SLC8A1: variants seen among roughly 807,000 people sequenced by gnomAD.
The protein encoded by SLC8A1 is sodium/calcium exchanger 1.
A neutral mutation model predicts 68.3 loss-of-function variants in SLC8A1; 18 were observed. The observed-to-expected ratio is 0.26, with a 90% CI of 0.18 to 0.39. The LOEUF is 0.39. Ranked by LOEUF, SLC8A1 falls within the 10% of genes least tolerant of loss-of-function variation. The pLI, the probability that SLC8A1 is intolerant of heterozygous loss-of-function variation, is 1.00. For synonymous variants in SLC8A1, 475 were observed against 415.5 expected, an observed-to-expected ratio of 1.14 and a Z score of -1.74; for missense variants, 985 against 1,156.7, an observed-to-expected ratio of 0.85 and a Z score of 2.15.
rs185241847 is a variant in SLC8A1, at chr2:40,435,514, G to T, written c.-24-5210C>A. On this transcript the variant is annotated intron_variant, in intron 1 of 7. Transcript: ENST00000406785. Reference sequence around the variant, plus strand: ...TGTTTAATACTTTGGGACAGGTGCCGAAGGGGATGGGCTATGAGCGGTCAC... The same window carrying T: ...TGTTTAATACTTTGGGACAGGTGCCTAAGGGGATGGGCTATGAGCGGTCAC... Among the ~76,000 whole-genome samples the T allele has an allele frequency of 2.0e-5, 3 of 152,104 alleles. No individual in the cohort carries two copies. In the East Asian group the frequency reaches 5.8e-4, roughly 29 times the overall value.
chr2:40,278,724 C>G (rs2067107226), intron 2 of SLC8A1, among the ~76,000 whole-genome samples: 1 of 152,064 alleles, frequency 6.6e-6, no homozygotes. Flanking sequence ...GACAAGATGG[C>G]ACTTCATCTC....
chr2:40,392,095 G>C (rs1418407331), intron 2 of SLC8A1, among the ~76,000 whole-genome samples: 1 of 144,616 alleles, frequency 6.9e-6, no homozygotes, highest in Non-Finnish European at 1.5e-5. Flanking sequence ...AAATAAAAAA[G>C]AAAGCGAGAA....
At chr2:40,423,471 G>C (rs545353822) in intron 2 of SLC8A1, among the ~76,000 whole-genome samples, 1 of 152,070 alleles carries the variant, frequency 6.6e-6, no homozygotes, top group East Asian at 1.9e-4. Flanking sequence ...AGCTTATTAA[G>C]TATGTGCAGA....
chr2:40,225,067 T>G (rs1202703217), intron 2 of SLC8A1, among the ~76,000 whole-genome samples: 1 of 152,182 alleles, frequency 6.6e-6, no homozygotes, highest in African/African-American at 2.4e-5. Context: ...CCCTGAAGGT[T>G]TGAAGTCTTA....
chr2:40,194,506 T>C (rs13412596), intron 2 of SLC8A1, among the ~76,000 whole-genome samples: 2,905 of 131,930 alleles, frequency 0.022, 46 homozygotes, highest in African/African-American at 0.034. Context: ...TGTGTGTGTG[T>C]GCGCGCGCAA....
intron 2 of SLC8A1, among the ~76,000 whole-genome samples, chr2:40,270,540 C>CA (rs2065899830): frequency 2.0e-5 from 3 of 152,220 alleles, no homozygotes; most frequent in South Asian, 4.1e-4. Context: ...CAGTCAGCAA[C>CA]ATTGCATCTC....
intron 2 of SLC8A1, among the ~76,000 whole-genome samples, chr2:40,335,533 C>T (rs891375834): frequency 4.6e-5 from 7 of 152,200 alleles, no homozygotes; most frequent in Non-Finnish European, 4.4e-5. Context: ...AATAAACTAA[C>T]TTCTTTTAAG....
At chr2:40,237,071 CAAT>C (rs2060493984) in intron 2 of SLC8A1, among the ~76,000 whole-genome samples, 1 of 151,732 alleles carries the variant, frequency 6.6e-6, no homozygotes, top group Non-Finnish European at 1.5e-5. Context: ...GTGAATCTGA[CAAT>C]TATGTGTCTT....
intron 2 of SLC8A1, among the ~76,000 whole-genome samples, chr2:40,207,587 A>G (rs1294683065): frequency 6.6e-6 from 1 of 152,108 alleles, no homozygotes; most frequent in Non-Finnish European, 1.5e-5. Context: ...TGCTACACAA[A>G]ATATATTTTT....
At chr2:40,391,449 G>A (rs1685233964) in intron 2 of SLC8A1, among the ~76,000 whole-genome samples, 1 of 151,248 alleles carries the variant, frequency 6.6e-6, no homozygotes, top group East Asian at 1.9e-4. Context: ...CAATTGTTCT[G>A]GCTGGTGGCA....
intron 1 of SLC8A1, among the ~76,000 whole-genome samples, chr2:40,487,181 T>G (rs1303272710): frequency 6.6e-6 from 1 of 152,116 alleles, no homozygotes; most frequent in Non-Finnish European, 1.5e-5. Context: ...GATTACCAAG[T>G]CAGCAGTGGT....
At chr2:40,227,901 G>C (rs1019066016) in intron 2 of SLC8A1, among the ~76,000 whole-genome samples, 7 of 151,946 alleles carry the variant, frequency 4.6e-5, no homozygotes, top group Non-Finnish European at 1.0e-4. Flanking sequence ...AGAATAATGA[G>C]CTACTCCCTG....
chr2:40,429,179 C>A (rs1697669340), exon 2 of SLC8A1: 1 of 1,613,588 alleles, frequency 6.2e-7, no homozygotes, highest in Non-Finnish European at 8.5e-7. Context: ...AGGCGAGTAG[C>A]TTGAATGCGA....
In SLC8A1 at chr2:40,148,087, A is replaced by G. The variant is rs371719373; in HGVS notation, c.2162-8411T>C. 7.5e-4 allele frequency among the ~76,000 whole-genome samples: 115 copies of G among 152,350 alleles called. 1 individual carries two copies. In the South Asian group the frequency reaches 0.022, roughly 29 times the overall value. On this transcript the variant is annotated intron_variant, in intron 6 of 7. Transcript: ENST00000406785. Reference sequence around the variant, plus strand: ...GCAAAAATTCATTCTGATAAAATGTAAGCTCACTTAGCATTGTTTTATGAA... The same window carrying G: ...GCAAAAATTCATTCTGATAAAATGTGAGCTCACTTAGCATTGTTTTATGAA...
chr2:40,363,993 G>A (rs148784721), intron 2 of SLC8A1, among the ~76,000 whole-genome samples: 13 of 152,086 alleles, frequency 8.5e-5, no homozygotes, highest in Admixed American at 2.6e-4. Flanking sequence ...TAAAAAAAGG[G>A]CTAATCAGAA....
chr2:40,281,397 C>G (rs758877542), intron 2 of SLC8A1, among the ~76,000 whole-genome samples: 14 of 152,204 alleles, frequency 9.2e-5, no homozygotes, highest in Non-Finnish European at 1.6e-4. Context: ...TCAGCATTCT[C>G]AGTGCCTGAG....
chr2:40,207,771 A>G (rs2055754976), intron 2 of SLC8A1, among the ~76,000 whole-genome samples: 1 of 152,118 alleles, frequency 6.6e-6, no homozygotes, highest in Admixed American at 6.6e-5. Context: ...GGGCTAGAAA[A>G]TGTGTTAAGT....
At chr2:40,358,241 A>AT (rs1343256797) in intron 2 of SLC8A1, among the ~76,000 whole-genome samples, 3 of 150,924 alleles carry the variant, frequency 2.0e-5, no homozygotes, top group Non-Finnish European at 4.4e-5. Context: ...TCAAATGCAG[A>AT]TAATTTTTAA....
intron 2 of SLC8A1, among the ~76,000 whole-genome samples, chr2:40,413,566 T>G (rs1011365327): frequency 2.6e-5 from 4 of 152,176 alleles, no homozygotes; most frequent in African/African-American, 9.6e-5. Context: ...GTTAATAACA[T>G]TGGTCTGCTT....
Sources: allele counts gnomAD v4.1 joint callset (sites outside exome capture counted in the v4.1 genomes callset), GRCh38; gene constraint gnomAD v4.1.1; transcripts MANE v1.5; gene names NCBI Gene and HGNC (gene_info 2026-07-23, HGNC 2026-07-21).